BCOR: variants seen among roughly 807,000 people sequenced by gnomAD.
The protein encoded by BCOR is BCL6 corepressor.
Under a neutral mutation model 86.7 loss-of-function variants are expected in BCOR, and 10 were observed. The ratio of observed to expected loss-of-function variants is 0.12; its 90% confidence interval spans 0.07 to 0.20. The LOEUF is 0.20. Ranked by LOEUF, BCOR falls within the 10% of genes least tolerant of loss-of-function variation. The pLI, the probability that BCOR is intolerant of heterozygous loss-of-function variation, is 1.00. For missense variants in BCOR, 1,259 were observed against 1,452.1 expected (o/e 0.87, Z 2.16); for synonymous variants, 611 against 609.0 (o/e 1.00, Z -0.05).
At chrX:40,065,132 T>C (rs750775815) in intron 6 of BCOR, among the ~76,000 whole-genome samples, 232 of 111,272 alleles carry the variant, frequency 2.1e-3, no homozygotes, top group African/African-American at 7.1e-3. Flanking sequence ...GACAAGAGTG[T>C]TGAAAGAAAG....
At chrX:40,148,752 G>A (rs1938112748) in intron 1 of BCOR, among the ~76,000 whole-genome samples, 1 of 111,452 alleles carries the variant, frequency 9.0e-6, no homozygotes, top group East Asian at 2.8e-4. Flanking sequence ...AGGGAAGTAG[G>A]ACAGATAGCA....
At position 40,149,692 on chromosome X, in the gene BCOR, T is replaced by C. The variant is rs749451631; in HGVS notation, c.-41+27315A>G. 3.6e-5 allele frequency among the ~76,000 whole-genome samples: 4 copies of C among 111,461 alleles called. No homozygotes were observed. In the East Asian group the frequency reaches 1.1e-3, roughly 31 times the overall value. On this transcript the variant is annotated intron_variant, in intron 1 of 14. Coordinates refer to the BCOR transcript ENST00000342274. ...TTTGCACTTAGGTTTGGTTCGAGTC[T>C]GAGTCTTACATGCAGGCTCTCAACT...
At chrX:40,163,140 G>A (rs1344731727) in intron 1 of BCOR, among the ~76,000 whole-genome samples, 1 of 111,475 alleles carries the variant, frequency 9.0e-6, no homozygotes, top group African/African-American at 3.3e-5. Flanking sequence ...TAGAGGGGGC[G>A]GTGACTTATA....
Position 40,077,764 on chromosome X carries a change from A to G in BCOR, c.86+80T>C, listed in dbSNP as rs1935879137. 5.2e-6 allele frequency: 5 copies of G among 955,093 alleles called. No individual in the cohort carries two copies. In the South Asian group the frequency reaches 9.9e-5, roughly 19 times the overall value. The allele number at this position is 955,093 out of a possible 1,213,427, so 78.7% of individuals were successfully genotyped here. A position where few individuals can be genotyped will look rare whatever the true frequency, so the allele number is the denominator to read the frequency against. On this transcript the variant is annotated intron_variant, in intron 2 of 14. Coordinates refer to ENST00000378444, the MANE Select transcript of BCOR (RefSeq NM_001123385.2). The stretch of plus-strand genomic sequence containing the variant: ...TTTCTCTCCCACCCCTTTTGGGCCC[A>G]CGGTGGCTGTGAGAAGTTGAGGGGG...
rs587778097 is a variant in BCOR, at chrX:40,073,881, G to A, written c.1465C>T (p.Pro489Ser). ...TAGATAGCACAACCATTTCCTGGAG[G>A]AGATAGTGTTTCTTTCGGAATCTCA... Reference protein sequence around the residue: ...GSEIPKETLSPPGNGCAIYRS... With the variant: ...GSEIPKETLSSPGNGCAIYRS... Residue 489 changes from proline to serine, a missense_variant, in exon 4 of 15, where the codon CCT becomes TCT. Pro to Ser is a moderately conservative substitution (Grantham distance 74, BLOSUM62 -1). This residue lies in a region of BCOR where 534 missense variants were observed against 594.8 expected (regional missense o/e 0.90). Transcript: ENST00000378444. The A allele has an allele frequency of 2.5e-6, 3 of 1,212,330 alleles. No individual in the cohort carries two copies. The highest frequency in any genetic ancestry group is 3.3e-6 in the Non-Finnish European group (3 of 895,599).
At chrX:40,139,100 C>T (rs1181022160) in intron 1 of BCOR, among the ~76,000 whole-genome samples, 1 of 106,451 alleles carries the variant, frequency 9.4e-6, no homozygotes, top group African/African-American at 3.4e-5. Flanking sequence ...CCACTATGCA[C>T]GAGGCACACT....
At chrX:40,156,939 G>C (rs1029072753) in intron 1 of BCOR, among the ~76,000 whole-genome samples, 1 of 113,758 alleles carries the variant, frequency 8.8e-6, no homozygotes, top group African/African-American at 3.2e-5. Context: ...GAGGGGCATC[G>C]GGACTGGACC....
chrX:40,064,109 T>C (rs1010035311), intron 7 of BCOR, among the ~76,000 whole-genome samples, 157 bp from the exon 8 acceptor site: 1 of 106,791 alleles, frequency 9.4e-6, no homozygotes, highest in African/African-American at 3.4e-5. Flanking sequence ...GTTCTGGCTT[T>C]GGGGGAGGGG....
chrX:40,084,700 G>GC lies in BCOR; in HGVS notation c.-40-6732dup, dbSNP rs1357337034. Among the ~76,000 whole-genome samples the GC allele has an allele frequency of 1.0e-3, 78 of 76,330 alleles. 1 individual carries two copies. Among genetic ancestry groups the GC allele is most frequent in the African/African-American group, 4.0e-3 (50 of 12,522 alleles). 66.3% of individuals were successfully genotyped at this position (76,330 alleles called of 115,157 possible). A position where few individuals can be genotyped will look rare whatever the true frequency, so the allele number is the denominator to read the frequency against. ...GGAGTAAAACACAAACGCCGTCGCC[G>GC]CCACCCCCCCCCACCACCACCACCA... is the stretch of plus-strand genomic sequence containing the variant. On this transcript the variant is annotated intron_variant, in intron 1 of 14. Coordinates refer to ENST00000378444, the MANE Select transcript of BCOR (RefSeq NM_001123385.2).
At chrX:40,121,148 T>C (rs1021119404) in intron 1 of BCOR, among the ~76,000 whole-genome samples, 1 of 111,448 alleles carries the variant, frequency 9.0e-6, no homozygotes, top group African/African-American at 3.3e-5. Context: ...GCGAGGGTGC[T>C]CCAGTGGCTT....
intron 1 of BCOR, among the ~76,000 whole-genome samples, chrX:40,083,579 G>A (rs751757100): frequency 8.9e-6 from 1 of 111,936 alleles, no homozygotes; most frequent in African/African-American, 3.2e-5. Flanking sequence ...CGGCGAAGAA[G>A]AAAGGGGGAG....
At chrX:40,096,483 G>A (rs1188392271) in intron 1 of BCOR, among the ~76,000 whole-genome samples, 1 of 111,000 alleles carries the variant, frequency 9.0e-6, no homozygotes, top group Non-Finnish European at 1.9e-5. Flanking sequence ...GGGCCAAGTC[G>A]GAACCCCTTG....
chrX:40,080,930 G>T (rs1400721548), intron 1 of BCOR, among the ~76,000 whole-genome samples: 1 of 106,810 alleles, frequency 9.4e-6, no homozygotes, highest in Admixed American at 1.0e-4. Context: ...CACATTGTTG[G>T]ATCCTGCTGT....
At chrX:40,118,895 C>T (rs1316441327) in intron 1 of BCOR, among the ~76,000 whole-genome samples, 1 of 112,407 alleles carries the variant, frequency 8.9e-6, no homozygotes, top group Non-Finnish European at 1.9e-5. Flanking sequence ...TGCAGTAGTG[C>T]GATCTTGGCT....
chrX:40,058,380 CTG>C (rs1934702220), intron 10 of BCOR, among the ~76,000 whole-genome samples: 1 of 111,887 alleles, frequency 8.9e-6, no homozygotes, highest in African/African-American at 3.3e-5. Flanking sequence ...GTTCTGAAGA[CTG>C]GGGGGAAAGC....
intron 1 of BCOR, among the ~76,000 whole-genome samples, chrX:40,090,431 C>T (rs1047509442): frequency 1.8e-5 from 2 of 112,975 alleles, no homozygotes; most frequent in Admixed American, 9.2e-5. Flanking sequence ...CCAGTCCTCC[C>T]CGGCCCCCAC....
chrX:40,085,423 C>T (rs1175230184), intron 1 of BCOR, among the ~76,000 whole-genome samples: 1 of 111,557 alleles, frequency 9.0e-6, no homozygotes, highest in Non-Finnish European at 1.9e-5. Flanking sequence ...TTGCAAGCAA[C>T]ATTCCTACAG....
At chrX:40,139,439 TATATATA>T (rs1394738793) in intron 1 of BCOR, among the ~76,000 whole-genome samples, 1 of 18,438 alleles carries the variant, frequency 5.4e-5, no homozygotes, top group Non-Finnish European at 7.4e-5. Flanking sequence ...TATATATATA[TATATATA>T]ATATATATAC....
rs1934901382 is a variant in BCOR at position 40,062,038 on chromosome X, G to C, written c.4428+101C>G. ...AGCACCGGCCCAGCCCCGATGTGGA[G>C]GGGGCTGAGCTCTGCTCTCCATGTC... On this transcript the variant is annotated intron_variant, in intron 10 of 14. Coordinates refer to ENST00000378444, the MANE Select transcript of BCOR (RefSeq NM_001123385.2). 2.3e-5 allele frequency: 24 copies of C among 1,037,954 alleles called. 1 individual carries two copies. The South Asian group carries it at 4.8e-4, about 21-fold the overall frequency. The allele number at this position is 1,037,954 out of a possible 1,213,427, so 85.5% of individuals were successfully genotyped here.
Sources: gnomAD v4.1 joint callset for allele counts (sites outside exome capture counted in the v4.1 genomes callset) on GRCh38, gnomAD v4.1.1 for gene constraint, gnomAD v4.1.1 regional missense constraint, MANE v1.5 for transcripts, NCBI Gene and HGNC (gene_info 2026-07-23, HGNC 2026-07-21) for gene names.